CEP97: variants seen among roughly 807,000 people sequenced by gnomAD.
CEP97 encodes centrosomal protein 97.
A neutral mutation model predicts 73.1 loss-of-function variants in CEP97; 43 were observed. The ratio of observed to expected loss-of-function variants is 0.59; its 90% CI spans 0.46 to 0.76. The LOEUF (loss-of-function observed/expected upper bound fraction) is 0.76. Ranked by LOEUF, CEP97 falls within the 30% of genes least tolerant of loss-of-function variation. The pLI is 0.00. For missense variants in CEP97, 939 were observed against 1,014.0 expected, an observed-to-expected ratio of 0.93 and a Z score of 1.00; for synonymous variants, 337 against 370.0, an observed-to-expected ratio of 0.91 and a Z score of 1.02.
chr3:101,743,913 A>G (rs553278690), intron 6 of CEP97, among the ~76,000 whole-genome samples: 1 of 151,938 alleles, frequency 6.6e-6, no homozygotes. Context: ...CTGAGGCAGG[A>G]GAATCACTTG....
intron 6 of CEP97, among the ~76,000 whole-genome samples, chr3:101,738,144 G>A (rs1252560991): frequency 6.6e-6 from 1 of 151,782 alleles, no homozygotes; most frequent in Non-Finnish European, 1.5e-5. Flanking sequence ...AACAAGAAGA[G>A]CTAACTATCC....
chr3:101,727,565 C>T (rs775379206), intron 3 of CEP97, 24 bp downstream of exon 3: 1 of 1,563,260 alleles, frequency 6.4e-7, no homozygotes, highest in South Asian at 1.2e-5. Context: ...TTTTTGTTTA[C>T]AAAACTATTC....
intron 1 of CEP97, among the ~76,000 whole-genome samples, 165 bp from the exon 2 acceptor site, chr3:101,726,429 A>C (rs532877092): frequency 2.8e-4 from 42 of 152,320 alleles, no homozygotes; most frequent in African/African-American, 9.6e-4. Flanking sequence ...CAATCTGGTC[A>C]TTTAGAACTC....
intron 10 of CEP97, 136 bp downstream of exon 10, chr3:101,762,696 T>A: frequency 1.8e-6 from 1 of 568,586 alleles, no homozygotes; most frequent in Non-Finnish European, 3.0e-6. Flanking sequence ...TCTTCGCCAC[T>A]AACTGTGAAC....
At chr3:101,747,914 G>A (rs577655004) in intron 6 of CEP97, among the ~76,000 whole-genome samples, 1 of 151,336 alleles carries the variant, frequency 6.6e-6, no homozygotes, top group African/African-American at 2.4e-5. Context: ...CTTGAAGTCA[G>A]CAGTTCAAGA....
In CEP97 at chr3:101,766,982, C is replaced by G. The variant is rs575837390; in HGVS notation, c.*1431C>G. ...GAGATGGAGGCTGGCTCTGTTGGTG[C>G]GGTGCCATGATCATAGTTCACTATA... On this transcript the variant is annotated 3_prime_UTR_variant, in exon 11 of 11. Coordinates refer to ENST00000341893, the MANE Select transcript of CEP97 (RefSeq NM_024548.4). The G allele has an allele frequency of 6.6e-6, 1 of 152,036 alleles. No individual in the cohort carries two copies. The highest frequency in any genetic ancestry group is 6.6e-5 in the Admixed American group (1 of 15,260). 9.4% of individuals were successfully genotyped at this position (152,036 alleles called of 1,614,324 possible).
In CEP97 at chr3:101,726,565, G is replaced by A. The variant is rs957509142; in HGVS notation, c.44-29G>A. 3.2e-6 allele frequency: 5 copies of A among 1,543,110 alleles called. No individual in the cohort carries two copies. In the East Asian group the frequency reaches 1.2e-4, roughly 36 times the overall value. On this transcript the variant is annotated intron_variant, in intron 1 of 10. Coordinates refer to ENST00000341893, the MANE Select transcript of CEP97 (RefSeq NM_024548.4). ...GTTGTACATGTTTTATTTTATTTGTGTTTTCTAACATTTCCGTTTCTTTTC... is the reference window on the plus strand; with the variant it reads ...GTTGTACATGTTTTATTTTATTTGTATTTTCTAACATTTCCGTTTCTTTTC...
At chr3:101,755,001 C>T (rs1249113682) in intron 6 of CEP97, among the ~76,000 whole-genome samples, 1 of 150,842 alleles carries the variant, frequency 6.6e-6, no homozygotes, top group Non-Finnish European at 1.5e-5. Flanking sequence ...CTCAAGTGAT[C>T]CTCCCACCCC....
chr3:101,734,935 A>G (rs757615766), intron 6 of CEP97, among the ~76,000 whole-genome samples: 4 of 152,206 alleles, frequency 2.6e-5, no homozygotes, highest in African/African-American at 7.2e-5. Context: ...TTTCTCTGCT[A>G]TCTATTAGCT....
At chr3:101,743,253 C>T (rs1031089044) in intron 6 of CEP97, among the ~76,000 whole-genome samples, 3 of 151,796 alleles carry the variant, frequency 2.0e-5, no homozygotes, top group African/African-American at 7.3e-5. Flanking sequence ...AAAATACAAC[C>T]AGCATCTAGA....
intron 6 of CEP97, among the ~76,000 whole-genome samples, chr3:101,744,424 A>C (rs975409745): frequency 6.6e-6 from 1 of 152,030 alleles, no homozygotes; most frequent in Admixed American, 6.6e-5. Flanking sequence ...TCTCTACTAA[A>C]AATACAAAAT....
At chr3:101,738,003 A>G (rs1938333112) in intron 6 of CEP97, among the ~76,000 whole-genome samples, 2 of 130,738 alleles carry the variant, frequency 1.5e-5, no homozygotes, top group African/African-American at 3.0e-5. Flanking sequence ...TACCAAACAA[A>G]TGGAAAGCAA....
chr3:101,738,178 G>A (rs1938342641), intron 6 of CEP97, among the ~76,000 whole-genome samples: 1 of 152,120 alleles, frequency 6.6e-6, no homozygotes, highest in Non-Finnish European at 1.5e-5. Flanking sequence ...ACCCAATACA[G>A]GAGCACCCAG....
chr3:101,764,399 G>A (rs1041089829), intron 10 of CEP97, among the ~76,000 whole-genome samples: 1 of 152,142 alleles, frequency 6.6e-6, no homozygotes, highest in East Asian at 1.9e-4. Flanking sequence ...ATCACCTGAC[G>A]TCAGGAGTTT....
At chr3:101,748,734 G>A (rs1341595076) in intron 6 of CEP97, among the ~76,000 whole-genome samples, 1 of 152,124 alleles carries the variant, frequency 6.6e-6, no homozygotes, top group East Asian at 1.9e-4. Context: ...TCCGCCTCCT[G>A]GGTTCATACC....
intron 3 of CEP97, 27 bp from the exon 4 acceptor site, chr3:101,728,809 A>T: frequency 7.2e-7 from 1 of 1,393,632 alleles, no homozygotes; most frequent in Non-Finnish European, 1.0e-6. Context: ...GTTTTCATTA[A>T]ATAGTGTGAT....
At position 101,728,957 on chromosome 3, in the gene CEP97, C is replaced by A; in HGVS notation, c.447+20C>A. ...CTGAAAGTAAGTATGTTTTCTTTGT[C>A]ATTTGTGAAGTTTTATAGCAAAATA... is the stretch of plus-strand genomic sequence containing the variant. On this transcript the variant is annotated intron_variant, in intron 4 of 10. Coordinates refer to ENST00000341893, the MANE Select transcript of CEP97 (RefSeq NM_024548.4). 7.4e-7 allele frequency: 1 copy of A among 1,343,574 alleles called. No individual in the cohort carries two copies. The highest frequency in any genetic ancestry group is 1.1e-6 in the Non-Finnish European group (1 of 939,116). 83.2% of individuals were successfully genotyped at this position (1,343,574 alleles called of 1,614,324 possible).
rs189699594 is a variant in CEP97, at chr3:101,750,739, C to T, written c.729-4691C>T. Among the ~76,000 whole-genome samples, 492 of 152,248 alleles carry T rather than the reference C, an allele frequency of 3.2e-3. 2 individuals are homozygous for T. The highest frequency in any genetic ancestry group is 0.011 in the African/African-American group (457 of 41,538). On this transcript the variant is annotated intron_variant, in intron 6 of 10. Coordinates refer to ENST00000341893, the MANE Select transcript of CEP97 (RefSeq NM_024548.4). ...TATTCTCTGATGGTAGTTTGTATTTCTGTAGGATCGGTGGTGATATCCCCT... is the reference window on the plus strand; with the variant it reads ...TATTCTCTGATGGTAGTTTGTATTTTTGTAGGATCGGTGGTGATATCCCCT...
rs543241146 is a variant in CEP97 at position 101,740,879 on chromosome 3, G to A, written c.728+8225G>A. Among the ~76,000 whole-genome samples the A allele has an allele frequency of 2.2e-4, 34 of 152,168 alleles. No individual in the cohort carries two copies. In the South Asian group the frequency reaches 2.5e-3, roughly 11 times the overall value. ...GTTGGGATTACAGGCGTGAGCCAGC[G>A]CACCCGGTCCCATTGACTTTCTTCA... On this transcript the variant is annotated intron_variant, in intron 6 of 10. Coordinates refer to ENST00000341893, the MANE Select transcript of CEP97 (RefSeq NM_024548.4).
Sources: gnomAD v4.1 joint callset for allele counts (sites outside exome capture counted in the v4.1 genomes callset) on GRCh38, gnomAD v4.1.1 for gene constraint, MANE v1.5 for transcripts, NCBI Gene and HGNC (gene_info 2026-07-23, HGNC 2026-07-21) for gene names.